The following AGTPBP1 variants were observed in gnomAD, a reference collection of about 807,000 sequenced individuals.
The protein encoded by AGTPBP1 is ATP/GTP binding carboxypeptidase 1, also known as cytosolic carboxypeptidase 1.
AGTPBP1 carries 70 observed loss-of-function variants against 143.9 expected under a neutral mutation model. The ratio of observed to expected loss-of-function variants is 0.49; its 90% confidence interval spans 0.40 to 0.59. The LOEUF is 0.59. Among genes scored for constraint, AGTPBP1 ranks in the 20% least tolerant of loss-of-function variants. The pLI is 0.00. For missense variants in AGTPBP1, 1,229 were observed against 1,464.5 expected (o/e 0.84, Z 2.62); for synonymous variants, 463 against 500.2 (o/e 0.93, Z 0.99).
intron 8 of AGTPBP1, among the ~76,000 whole-genome samples, chr9:85,668,226 A>G (rs952290406): frequency 7.9e-5 from 12 of 152,128 alleles, no homozygotes; most frequent in African/African-American, 2.7e-4. Flanking sequence ...TTTCCTAAAT[A>G]TAATGAAGAA....
At chr9:85,639,218 CA>C (rs993656004) in intron 13 of AGTPBP1, among the ~76,000 whole-genome samples, 2 of 151,056 alleles carry the variant, frequency 1.3e-5, no homozygotes, top group Admixed American at 6.6e-5. Flanking sequence ...ACCAATGAAT[CA>C]AAAAAAATAA....
At chr9:85,732,562 T>A (rs2134751445) in intron 1 of AGTPBP1, among the ~76,000 whole-genome samples, 1 of 151,986 alleles carries the variant, frequency 6.6e-6, no homozygotes, top group Admixed American at 6.6e-5. Context: ...ATATATAAAA[T>A]ATGAGGAATA....
At chr9:85,642,760 G>A (rs1383776267) in intron 13 of AGTPBP1, 67 bp downstream of exon 13, 22 of 1,208,610 alleles carry the variant, frequency 1.8e-5, no homozygotes, top group East Asian at 1.7e-4. Context: ...AGTGATTATC[G>A]ACCTAAGGGA....
chr9:85,726,954 T>C (rs1038481594), intron 1 of AGTPBP1, among the ~76,000 whole-genome samples: 5 of 152,168 alleles, frequency 3.3e-5, no homozygotes, highest in Admixed American at 2.0e-4. Context: ...AAAATGTTTA[T>C]ATGAGATACA....
At chr9:85,697,455 T>TTTTG (rs1836330074) in intron 2 of AGTPBP1, among the ~76,000 whole-genome samples, 1 of 133,710 alleles carries the variant, frequency 7.5e-6, no homozygotes, top group Admixed American at 7.4e-5. Context: ...GTTTTTTTTT[T>TTTTG]TTTTTTTTTT....
Position 85,669,694 on chromosome 9 carries a change from A to G in AGTPBP1, c.569-116T>C. The G allele has an allele frequency of 6.5e-6, 4 of 610,726 alleles. No homozygotes were observed. In the South Asian group the frequency reaches 8.6e-5, roughly 13 times the overall value. The allele number at this position is 610,726 out of a possible 1,614,324, so 37.8% of individuals were successfully genotyped here. A position where few individuals can be genotyped will look rare whatever the true frequency, so the allele number is the denominator to read the frequency against. ...AAATTGTTTAGTAAATGTCAACTCA[A>G]GTCACCTTAAAGTCCATCTAAGCTA... On this transcript the variant is annotated intron_variant, in intron 7 of 25. Transcript: ENST00000357081.
At chr9:85,645,865 A>T (rs1832777771) in intron 12 of AGTPBP1, among the ~76,000 whole-genome samples, 1 of 152,196 alleles carries the variant, frequency 6.6e-6, no homozygotes, top group East Asian at 1.9e-4. Context: ...TCTCAATAAT[A>T]CTTTTTTCAC....
intron 14 of AGTPBP1, among the ~76,000 whole-genome samples, chr9:85,627,899 C>G (rs776743089): frequency 3.3e-5 from 5 of 152,138 alleles, no homozygotes; most frequent in Admixed American, 6.5e-5. Context: ...GTTTACATTA[C>G]TGGTAAGGCT....
chr9:85,566,268 C>G (rs1488158191), intron 25 of AGTPBP1, among the ~76,000 whole-genome samples: 1 of 152,022 alleles, frequency 6.6e-6, no homozygotes, highest in East Asian at 1.9e-4. Flanking sequence ...GCCTGTAATC[C>G]CAGCAGTTTG....
intron 2 of AGTPBP1, among the ~76,000 whole-genome samples, chr9:85,697,541 C>T (rs1836342345): frequency 6.7e-6 from 1 of 149,138 alleles, no homozygotes; most frequent in Admixed American, 6.7e-5. Context: ...CAAGCTCCGC[C>T]TCCCGGGTTC....
the AGTPBP1 span, among the ~76,000 whole-genome samples, chr9:85,754,033 T>A: frequency 1.3e-5 from 2 of 152,200 alleles, no homozygotes; most frequent in East Asian, 3.8e-4. Context: ...CAAAATTATT[T>A]TCTCATCCAG....
chr9:85,668,038 T>C lies in AGTPBP1; in HGVS notation c.662+1447A>G, dbSNP rs376346555. Among the ~76,000 whole-genome samples, 11 of 152,036 alleles carry C rather than the reference T, an allele frequency of 7.2e-5. No homozygotes were observed. The East Asian group carries it at 2.1e-3, about 29-fold the overall frequency. ...AAAGATCTGTAATTGACAGTGATCA[T>C]ATTAAAGAATTTACAGCTCAAATAT... On this transcript the variant is annotated intron_variant, in intron 8 of 25. Coordinates refer to ENST00000357081, the MANE Select transcript of AGTPBP1 (RefSeq NM_001330701.2).
chr9:85,773,434 A>T, the AGTPBP1 span, among the ~76,000 whole-genome samples: 1 of 143,162 alleles, frequency 7.0e-6, no homozygotes, highest in Admixed American at 7.3e-5. Flanking sequence ...CCCAGGTTCA[A>T]GCCATTCGCC....
At chr9:85,762,607 A>T in the AGTPBP1 span, among the ~76,000 whole-genome samples, 1 of 119,950 alleles carries the variant, frequency 8.3e-6, no homozygotes, top group Admixed American at 9.6e-5. Context: ...AACATCACAC[A>T]CTGGGGCCTG....
chr9:85,575,855 G>T (rs1273881660), intron 24 of AGTPBP1, among the ~76,000 whole-genome samples: 2 of 152,052 alleles, frequency 1.3e-5, no homozygotes, highest in Admixed American at 1.3e-4. Context: ...TGCTAATGTT[G>T]AAATATTATA....
intron 2 of AGTPBP1, among the ~76,000 whole-genome samples, chr9:85,706,061 G>A (rs1189958291): frequency 6.6e-6 from 1 of 151,812 alleles, no homozygotes; most frequent in Non-Finnish European, 1.5e-5. Flanking sequence ...TATACTAGAT[G>A]TATAGTATAA....
intron 17 of AGTPBP1, among the ~76,000 whole-genome samples, chr9:85,607,687 C>G (rs917524129): frequency 1.3e-5 from 2 of 152,080 alleles, no homozygotes; most frequent in African/African-American, 2.4e-5. Context: ...TTATTGAGAA[C>G]ATGGTTAATA....
intron 17 of AGTPBP1, among the ~76,000 whole-genome samples, chr9:85,598,731 T>A (rs1487995889): frequency 2.6e-5 from 4 of 152,274 alleles, no homozygotes; most frequent in Non-Finnish European, 2.9e-5. Context: ...TATTATTATT[T>A]TTTTCCAAAA....
At chr9:85,692,563 C>T in intron 3 of AGTPBP1, 126 bp downstream of exon 3, 1 of 1,208,952 alleles carries the variant, frequency 8.3e-7, no homozygotes, top group Non-Finnish European at 1.1e-6. Flanking sequence ...TGTGAGCCAC[C>T]ACACCCGGCC....
Sources: gnomAD v4.1 joint callset for allele counts (sites outside exome capture counted in the v4.1 genomes callset) on GRCh38, gnomAD v4.1.1 for gene constraint, MANE v1.5 for transcripts, NCBI Gene and HGNC (gene_info 2026-07-23, HGNC 2026-07-21) for gene names.